Variants in CPQ observed in about 807,000 individuals in gnomAD.
The protein encoded by CPQ is Ser-Met dipeptidase.
In CPQ, 37 loss-of-function variants were observed where a neutral mutation model predicts 45.7. The observed-to-expected ratio is 0.81, with a 90% confidence interval of 0.62 to 1.07. The LOEUF (loss-of-function observed/expected upper bound fraction) is 1.07, where lower values mean the gene tolerates loss of function less well. Among genes scored for constraint, CPQ ranks in the 50% least tolerant of loss-of-function variants. The pLI, the probability that CPQ is intolerant of heterozygous loss-of-function variation, is 0.00. For missense variants in CPQ, 537 were observed against 572.9 expected (o/e 0.94, Z 0.64); for synonymous variants, 186 against 205.8 (o/e 0.90, Z 0.82).
intron 5 of CPQ, among the ~76,000 whole-genome samples, chr8:97,022,185 A>T (rs560491410): frequency 1.3e-5 from 2 of 152,334 alleles, no homozygotes; most frequent in Non-Finnish European, 2.9e-5. Flanking sequence ...AGCCACATGT[A>T]GGAGAATGAA....
At chr8:97,133,991 C>G (rs1408675207) in intron 7 of CPQ, among the ~76,000 whole-genome samples, 22 of 152,104 alleles carry the variant, frequency 1.4e-4, no homozygotes, top group Non-Finnish European at 1.5e-5. Flanking sequence ...AACTTGTATA[C>G]TGCTATATGT....
At chr8:97,102,817 G>T (rs931875974) in intron 7 of CPQ, among the ~76,000 whole-genome samples, 1 of 152,118 alleles carries the variant, frequency 6.6e-6, no homozygotes, top group Non-Finnish European at 1.5e-5. Context: ...GCCACTGTAA[G>T]AAATCACCAC....
chr8:97,037,374 G>A (rs568536955), intron 6 of CPQ, among the ~76,000 whole-genome samples: 2 of 152,212 alleles, frequency 1.3e-5, no homozygotes, highest in East Asian at 3.9e-4. Context: ...ACAAATAATA[G>A]AGCTGATGTA....
intron 7 of CPQ, among the ~76,000 whole-genome samples, chr8:97,113,057 A>T (rs1811523784): frequency 6.6e-6 from 1 of 152,044 alleles, no homozygotes; most frequent in Admixed American, 6.5e-5. Context: ...AGCCCAGGAG[A>T]AGAGGAGGGA....
At chr8:97,006,919 G>C (rs895225045) in intron 5 of CPQ, among the ~76,000 whole-genome samples, 13 of 152,260 alleles carry the variant, frequency 8.5e-5, no homozygotes, top group African/African-American at 3.1e-4. Flanking sequence ...GAGTACATGA[G>C]GGCAGAGATT....
At chr8:97,093,296 T>G (rs941913594) in intron 7 of CPQ, among the ~76,000 whole-genome samples, 3 of 152,198 alleles carry the variant, frequency 2.0e-5, no homozygotes, top group Non-Finnish European at 4.4e-5. Flanking sequence ...GACCTACCAC[T>G]TGACCCAGCA....
chr8:96,806,302 G>A lies in CPQ; in HGVS notation c.433+20972G>A, dbSNP rs544026316. 9.9e-5 allele frequency among the ~76,000 whole-genome samples: 15 copies of A among 151,946 alleles called. No individual in the cohort carries two copies. The East Asian group carries it at 1.2e-3, about 12-fold the overall frequency. On this transcript the variant is annotated intron_variant, in intron 2 of 7. Coordinates refer to ENST00000220763, the MANE Select transcript of CPQ (RefSeq NM_016134.4). ...ATTTTTACCTTTAACATAAAAGTTCGGCTCTAAAAAATGTTTGGCAAAGCA... is the reference window on the plus strand; with the variant it reads ...ATTTTTACCTTTAACATAAAAGTTCAGCTCTAAAAAATGTTTGGCAAAGCA...
chr8:96,670,932 C>T lies in CPQ; in HGVS notation c.-35+25530C>T, dbSNP rs1021296540. The stretch of plus-strand genomic sequence containing the variant: ...AGCTGTAAAAGAGCAACAGGACGGA[C>T]GGATCCTTGTGGTGATAGACATGCT... On this transcript the variant is annotated intron_variant, in intron 1 of 7. Coordinates refer to ENST00000220763, the MANE Select transcript of CPQ (RefSeq NM_016134.4). Among the ~76,000 whole-genome samples, 4 of 151,402 alleles carry T rather than the reference C, an allele frequency of 2.6e-5. No homozygotes were observed. In the East Asian group the frequency reaches 7.7e-4, roughly 29 times the overall value.
At chr8:97,086,864 T>C (rs570053798) in intron 7 of CPQ, among the ~76,000 whole-genome samples, 5 of 152,314 alleles carry the variant, frequency 3.3e-5, no homozygotes, top group African/African-American at 1.2e-4. Context: ...ATCCTTCAGA[T>C]TGGCTTTTGA....
At chr8:96,735,764 T>A (rs919030017) in intron 1 of CPQ, among the ~76,000 whole-genome samples, 3 of 152,180 alleles carry the variant, frequency 2.0e-5, no homozygotes, top group Admixed American at 6.5e-5. Context: ...GATCTTTCAA[T>A]CTTTCTTCTT....
intron 1 of CPQ, among the ~76,000 whole-genome samples, chr8:96,746,991 G>T (rs192590505): frequency 6.6e-6 from 1 of 152,102 alleles, no homozygotes; most frequent in Admixed American, 6.6e-5. Flanking sequence ...GGGATTTGGT[G>T]TATTTAAAAT....
intron 2 of CPQ, among the ~76,000 whole-genome samples, chr8:96,806,935 CA>C (rs1206214872): frequency 1.3e-5 from 2 of 152,220 alleles, no homozygotes; most frequent in South Asian, 2.1e-4. Context: ...ATGCCTATAT[CA>C]AATATCTCAT....
chr8:96,867,199 T>G (rs1812006678), intron 3 of CPQ, among the ~76,000 whole-genome samples: 1 of 152,104 alleles, frequency 6.6e-6, no homozygotes, highest in Non-Finnish European at 1.5e-5. Context: ...CTAAAAAGTA[T>G]TCTCTTTTTG....
chr8:96,780,666 T>C (rs1483360677), intron 1 of CPQ, among the ~76,000 whole-genome samples: 2 of 152,030 alleles, frequency 1.3e-5, no homozygotes, highest in African/African-American at 2.4e-5. Context: ...TCAATTTGTC[T>C]TCCTTCCTTC....
rs114724000 is a variant in CPQ, at chr8:96,793,543, T to C, written c.433+8213T>C. Among the ~76,000 whole-genome samples the C allele has an allele frequency of 3.7e-3, 557 of 152,322 alleles. 5 individuals are homozygous for C. The highest frequency in any genetic ancestry group is 0.012 in the African/African-American group (515 of 41,576). On this transcript the variant is annotated intron_variant, in intron 2 of 7. Coordinates refer to ENST00000220763, the MANE Select transcript of CPQ (RefSeq NM_016134.4). ...GTGGAAATTCAAGATCAGAGTTGGG[T>C]TGGGACATAGTCAAACTATATCATT...
chr8:96,668,242 T>C (rs1019407497), intron 1 of CPQ, among the ~76,000 whole-genome samples: 3 of 152,202 alleles, frequency 2.0e-5, no homozygotes, highest in African/African-American at 7.2e-5. Context: ...AGTCAACAAA[T>C]ATTTATTGGA....
intron 3 of CPQ, among the ~76,000 whole-genome samples, chr8:96,842,541 G>GA (rs546203674): frequency 3.9e-4 from 60 of 152,296 alleles, no homozygotes; most frequent in African/African-American, 1.3e-3. Flanking sequence ...TCCCAAGGGG[G>GA]AACCAGAGAA....
chr8:96,973,851 CA>C (rs1222837566), intron 5 of CPQ, among the ~76,000 whole-genome samples: 1 of 152,174 alleles, frequency 6.6e-6, no homozygotes, highest in East Asian at 1.9e-4. Flanking sequence ...GCCAGTACTA[CA>C]AAAACTGCTA....
At chr8:96,931,727 C>T (rs998245446) in intron 4 of CPQ, among the ~76,000 whole-genome samples, 8 of 152,176 alleles carry the variant, frequency 5.3e-5, no homozygotes, top group African/African-American at 1.9e-4. Flanking sequence ...GACTTCGAGA[C>T]TATTGCTTTC....
Sources: allele counts gnomAD v4.1 joint callset (sites outside exome capture counted in the v4.1 genomes callset), GRCh38; gene constraint gnomAD v4.1.1; transcripts MANE v1.5; gene names NCBI Gene and HGNC (gene_info 2026-07-23, HGNC 2026-07-21).